The following CHD9 variants were observed in gnomAD, a reference collection of about 807,000 sequenced individuals.
CHD9 encodes the protein ATP-dependent chromatin remodeler CHD9.
In CHD9, 77 loss-of-function variants were observed where a neutral mutation model predicts 316.1. The ratio of observed to expected loss-of-function variants is 0.24; its 90% CI spans 0.20 to 0.29. The LOEUF is 0.29. Ranked by LOEUF, CHD9 falls within the 10% of genes least tolerant of loss-of-function variation. CHD9 has a pLI of 1.00. For missense variants in CHD9, 2,763 were observed against 3,438.1 expected (o/e 0.80, Z 4.91); for synonymous variants, 1,129 against 1,158.3 (o/e 0.97, Z 0.51).
At chr16:53,151,515 C>A (rs2041114423) in intron 1 of CHD9, among the ~76,000 whole-genome samples, 1 of 152,200 alleles carries the variant, frequency 6.6e-6, no homozygotes, top group Middle Eastern at 3.4e-3. Context: ...CTTAGACTCC[C>A]AGAGTGCTGG....
At chr16:53,296,644 A>G (rs1378667276) in intron 29 of CHD9, among the ~76,000 whole-genome samples, 1 of 151,710 alleles carries the variant, frequency 6.6e-6, no homozygotes, top group African/African-American at 2.4e-5. Flanking sequence ...ACGGGGTTTC[A>G]CCATGTTAGC....
intron 1 of CHD9, among the ~76,000 whole-genome samples, chr16:53,139,798 C>T (rs1288352474): frequency 6.6e-6 from 1 of 152,040 alleles, no homozygotes; most frequent in East Asian, 1.9e-4. Flanking sequence ...TATTTAAAGC[C>T]TTCGAAAATA....
At chr16:53,255,579 T>G in intron 18 of CHD9, 21 bp from the exon 19 acceptor site, 1 of 1,596,750 alleles carries the variant, frequency 6.3e-7, no homozygotes, top group Non-Finnish European at 8.5e-7. Context: ...ACTATTTTTA[T>G]GGAAGTTAAT....
At chr16:53,116,056 T>C (rs1383551365) in intron 1 of CHD9, among the ~76,000 whole-genome samples, 1 of 152,082 alleles carries the variant, frequency 6.6e-6, no homozygotes, top group Non-Finnish European at 1.5e-5. Flanking sequence ...CCTGACATTT[T>C]CTTTTTGCTT....
rs1485580235 is a variant in CHD9, at chr16:53,235,271, A to G, written c.2598A>G (p.Glu866=). The change falls in exon 11 of 39, where the codon GAA becomes GAG. Residue 866 remains glutamate (E), a synonymous_variant. Coordinates refer to ENST00000447540, the MANE Select transcript of CHD9 (RefSeq NM_001308319.2). ...NGNQLREYQL[E]GLNWLLFNWY... ...ATCAACTCAGGGAATATCAACTGGA[A>G]GGACTCAACTGGCTCTTGTTCAATT... 1 of 1,548,856 alleles carries G rather than the reference A, an allele frequency of 6.5e-7. No individual in the cohort carries two copies. Among genetic ancestry groups the G allele is most frequent in the East Asian group, 2.4e-5 (1 of 40,908 alleles).
At position 53,324,790 on chromosome 16, in the gene CHD9, C is replaced by A. The variant is rs1350879103; in HGVS notation, c.8589C>A (p.Leu2863=). 1 of 1,612,942 alleles carries A rather than the reference C, an allele frequency of 6.2e-7. No homozygotes were observed. The highest frequency in any genetic ancestry group is 1.1e-5 in the South Asian group (1 of 90,864). The part of the protein sequence containing the change: ...EDKGGTEPSP[L]NENSTDEGSE... ...AAGGAGGAACTGAACCAAGTCCTCTCAATGAAAACAGCACAGATGAGGGTT... is the reference window on the plus strand; with the variant it reads ...AAGGAGGAACTGAACCAAGTCCTCTAAATGAAAACAGCACAGATGAGGGTT... Residue 2863 remains leucine (L), a synonymous_variant, in exon 39 of 39, where the codon CTC becomes CTA. Coordinates refer to ENST00000447540, the MANE Select transcript of CHD9 (RefSeq NM_001308319.2).
intron 2 of CHD9, among the ~76,000 whole-genome samples, chr16:53,177,638 A>G (rs1259223451): frequency 6.6e-6 from 1 of 152,128 alleles, no homozygotes; most frequent in Non-Finnish European, 1.5e-5. Flanking sequence ...TTACATAACT[A>G]TTTCTTAATC....
chr16:53,213,430 G>A (rs922724594), intron 3 of CHD9, among the ~76,000 whole-genome samples: 2 of 152,148 alleles, frequency 1.3e-5, no homozygotes, highest in African/African-American at 4.8e-5. Context: ...CATAATAGAT[G>A]CTCCATGAAT....
intron 1 of CHD9, among the ~76,000 whole-genome samples, chr16:53,093,948 T>G (rs1393508984): frequency 6.6e-6 from 1 of 152,214 alleles, no homozygotes; most frequent in Non-Finnish European, 1.5e-5. Context: ...CAGTTAGTTC[T>G]GTCCATGAAG....
intron 17 of CHD9, among the ~76,000 whole-genome samples, chr16:53,250,852 G>A (rs560620051): frequency 1.3e-5 from 2 of 151,792 alleles, no homozygotes; most frequent in East Asian, 1.9e-4. Context: ...AAGTGTAGTC[G>A]TGAGAAGGGG....
At chr16:53,183,643 G>A (rs569903354) in intron 2 of CHD9, among the ~76,000 whole-genome samples, 103 of 152,168 alleles carry the variant, frequency 6.8e-4, no homozygotes, top group Non-Finnish European at 8.2e-4. Flanking sequence ...GCCGAGTACA[G>A]TGACTCATGC....
intron 1 of CHD9, among the ~76,000 whole-genome samples, chr16:53,143,887 C>T (rs1356929558): frequency 1.3e-5 from 2 of 152,090 alleles, no homozygotes; most frequent in Admixed American, 1.3e-4. Context: ...GGCAGTGATA[C>T]GCCCACAGTT....
intron 25 of CHD9, 68 bp downstream of exon 25, chr16:53,285,767 A>G: frequency 5.1e-6 from 4 of 789,374 alleles, no homozygotes; most frequent in Admixed American, 2.7e-5. Flanking sequence ...TTCTCAGTTC[A>G]TTGATTTCCA....
intron 2 of CHD9, among the ~76,000 whole-genome samples, chr16:53,174,803 T>A (rs1427531704): frequency 6.6e-6 from 1 of 152,100 alleles, no homozygotes; most frequent in Non-Finnish European, 1.5e-5. Context: ...AGAGATGCAG[T>A]CTTACTTTGT....
At chr16:53,247,774 T>G in intron 16 of CHD9, 2 of 297,198 alleles carry the variant, frequency 6.7e-6, no homozygotes, top group Admixed American at 9.5e-5. Context: ...AAATGTACAT[T>G]TTACTTGATT....
At chr16:53,254,945 G>T (rs2050454072) in intron 18 of CHD9, among the ~76,000 whole-genome samples, 1 of 152,070 alleles carries the variant, frequency 6.6e-6, no homozygotes, top group Non-Finnish European at 1.5e-5. Flanking sequence ...CATTGGCTTT[G>T]TCTTGTTATA....
intron 24 of CHD9, among the ~76,000 whole-genome samples, chr16:53,282,076 C>G (rs919877950): frequency 5.9e-5 from 9 of 152,134 alleles, no homozygotes; most frequent in Non-Finnish European, 2.9e-5. Flanking sequence ...CTGACTGGAT[C>G]TGATCCACTT....
At chr16:53,214,099 AT>A (rs1184523435) in intron 3 of CHD9, among the ~76,000 whole-genome samples, 1 of 152,180 alleles carries the variant, frequency 6.6e-6, no homozygotes, top group Non-Finnish European at 1.5e-5. Context: ...TTGTGTCTGT[AT>A]TTGCCTCCAA....
intron 37 of CHD9, chr16:53,321,200 C>T (rs2057251838): frequency 7.7e-7 from 1 of 1,303,990 alleles, no homozygotes; most frequent in East Asian, 5.2e-5. Context: ...TACTGATTTG[C>T]TCGAGTTCAC....
Sources: gnomAD v4.1 joint callset for allele counts (sites outside exome capture counted in the v4.1 genomes callset) on GRCh38, gnomAD v4.1.1 for gene constraint, MANE v1.5 for transcripts, NCBI Gene and HGNC (gene_info 2026-07-23, HGNC 2026-07-21) for gene names.